Variants in COL22A1 observed in about 807,000 individuals in gnomAD.
The protein encoded by COL22A1 is collagen alpha-1(XXII) chain.
Under a neutral mutation model 248.9 loss-of-function variants are expected in COL22A1, and 221 were observed. The observed-to-expected ratio is 0.89, with a 90% CI of 0.80 to 0.99. COL22A1 has a LOEUF of 0.99. Ranked by LOEUF, COL22A1 falls within the 50% of genes least tolerant of loss-of-function variation. The pLI, the probability that COL22A1 is intolerant of heterozygous loss-of-function variation, is 0.00. For missense variants in COL22A1, 2,240 were observed against 2,179.0 expected, an observed-to-expected ratio of 1.03 and a Z score of -0.56; for synonymous variants, 891 against 793.4, an observed-to-expected ratio of 1.12 and a Z score of -2.07.
intron 15 of COL22A1, 34 bp from the exon 16 acceptor site, chr8:138,776,044 C>T (rs1421891772): frequency 6.2e-7 from 1 of 1,610,354 alleles, no homozygotes; most frequent in Non-Finnish European, 8.5e-7. Flanking sequence ...GACCCAACAT[C>T]TTAATCTGGC....
chr8:138,743,108 G>T lies in COL22A1; in HGVS notation c.2086-5531C>A, dbSNP rs561464789. ...GATGGTGATGGTGGAGTTGATGAGG[G>T]TGATGGTGGTAGTGATTGTGATGGT... On this transcript the variant is annotated intron_variant, in intron 22 of 64. Coordinates refer to ENST00000303045, the MANE Select transcript of COL22A1 (RefSeq NM_152888.3). 6.0e-3 allele frequency among the ~76,000 whole-genome samples: 890 copies of T among 147,344 alleles called. 1 individual carries two copies. Among genetic ancestry groups the T allele is most frequent in the Non-Finnish European group, 0.011 (705 of 66,886 alleles).
rs1032385709 is a variant in COL22A1 at position 138,619,501 on chromosome 8, G to C, written c.3779C>G (p.Ala1260Gly). The C allele has an allele frequency of 6.2e-7, 1 of 1,613,926 alleles. No individual in the cohort carries two copies. The highest frequency in any genetic ancestry group is 1.1e-5 in the South Asian group (1 of 91,074). The change falls in exon 53 of 65, where the codon GCA (alanine) becomes GGA (glycine). Residue 1260 changes from alanine (A) to glycine (G), a missense_variant. By Grantham distance (60) the Ala-to-Gly change is moderately conservative. Transcript: ENST00000303045. The part of the protein sequence containing the change: ...KPGPPGEPGK[A>G]GEPGLPGPEG... ...TGGTCCTGGTAGACCTGGCTCTCCT[G>C]CTTTGCCCTGAGAGTAAGGAAGAAA...
chr8:138,594,111 T>C lies in COL22A1; in HGVS notation c.4521A>G (p.Lys1507=). The change falls in exon 63 of 65, where the codon AAA becomes AAG. Residue 1507 remains lysine (K), a synonymous_variant. Transcript: ENST00000303045. Reference sequence around the variant, plus strand: ...GGCCGGCCCGGCCTGGAAGCCCATCTTTTCCAGGGGGCCCTGGGGGCCCAG... The same window carrying C: ...GGCCGGCCCGGCCTGGAAGCCCATCCTTTCCAGGGGGCCCTGGGGGCCCAG... ...GRPGPPGPPG[K]DGLPGRAGPM... 2 of 1,581,658 alleles carry C rather than the reference T, an allele frequency of 1.3e-6. No individual in the cohort carries two copies. Among genetic ancestry groups the C allele is most frequent in the Admixed American group, 2.0e-5 (1 of 49,856 alleles).
At chr8:138,742,386 A>C (rs1831672054) in intron 22 of COL22A1, among the ~76,000 whole-genome samples, 1 of 135,518 alleles carries the variant, frequency 7.4e-6, no homozygotes, top group Admixed American at 7.3e-5. Context: ...ATGATGGTAG[A>C]GTTGATGATG....
intron 47 of COL22A1, among the ~76,000 whole-genome samples, chr8:138,644,716 C>T (rs1374538757): frequency 6.6e-6 from 1 of 152,168 alleles, no homozygotes; most frequent in East Asian, 1.9e-4. Context: ...AGGCATGAAA[C>T]TCAATTTCCC....
chr8:138,890,341 T>C lies in COL22A1; in HGVS notation c.-72-7097A>G, dbSNP rs148223422. ...AACAAGGATGCTTCTTTGCCGTATC[T>C]ACTCAACATGCTACTGGAAGTTCTA... On this transcript the variant is annotated intron_variant, in intron 1 of 64. Coordinates refer to ENST00000303045, the MANE Select transcript of COL22A1 (RefSeq NM_152888.3). Among the ~76,000 whole-genome samples, 249 of 152,338 alleles carry C rather than the reference T, an allele frequency of 1.6e-3. 3 individuals carry two copies. Among genetic ancestry groups the C allele is most frequent in the Admixed American group, 5.2e-3 (80 of 15,304 alleles).
At chr8:138,755,870 C>T (rs750663877) in intron 18 of COL22A1, 41 bp from the exon 19 acceptor site, 4 of 1,586,784 alleles carry the variant, frequency 2.5e-6, no homozygotes, top group Admixed American at 1.7e-5. Context: ...GTTACTGGTG[C>T]CACCTTCTGT....
intron 1 of COL22A1, among the ~76,000 whole-genome samples, chr8:138,912,831 A>G (rs541428374): frequency 6.6e-5 from 10 of 152,118 alleles, no homozygotes; most frequent in African/African-American, 2.4e-4. Flanking sequence ...GACCCGGCAC[A>G]CAGCTCTGGA....
At chr8:138,714,400 A>G (rs9969589) in intron 30 of COL22A1, among the ~76,000 whole-genome samples, 140,389 of 152,214 alleles carry the variant, frequency 0.92, 65,093 homozygotes, top group Non-Finnish European at 0.98. Flanking sequence ...CCAGTGGTCT[A>G]GTAGGAGATG....
At chr8:138,787,442 G>A (rs919269328) in intron 12 of COL22A1, among the ~76,000 whole-genome samples, 1 of 152,190 alleles carries the variant, frequency 6.6e-6, no homozygotes, top group Non-Finnish European at 1.5e-5. Context: ...ACCTGGAAGG[G>A]AGATGACACA....
At chr8:138,800,572 A>G (rs561742295) in intron 11 of COL22A1, among the ~76,000 whole-genome samples, 3 of 152,346 alleles carry the variant, frequency 2.0e-5, no homozygotes, top group African/African-American at 4.8e-5. Flanking sequence ...TTGTGGAACC[A>G]AAATTTGAAT....
At position 138,699,277 on chromosome 8, in the gene COL22A1, G is replaced by A. The variant is rs75688554; in HGVS notation, c.2592+835C>T. Among the ~76,000 whole-genome samples, 16 of 127,902 alleles carry A rather than the reference G, an allele frequency of 1.3e-4. No homozygotes were observed. The East Asian group carries it at 5.0e-3, about 40-fold the overall frequency. The allele number at this position is 127,902 out of a possible 152,430, so 83.9% of individuals were successfully genotyped here. ...GTGATTTTAGCACCTGACTCAGTCT[G>A]TCTACCTGCTTCCTTCTTTTGCATC... is the stretch of plus-strand genomic sequence containing the variant. On this transcript the variant is annotated intron_variant, in intron 32 of 64. Coordinates refer to ENST00000303045, the MANE Select transcript of COL22A1 (RefSeq NM_152888.3).
rs199841866 is a variant in COL22A1 at position 138,779,602 on chromosome 8, C to A, written c.1651-40G>T. 2.9e-4 allele frequency: 414 copies of A among 1,443,346 alleles called. 1 individual carries two copies. The highest frequency in any genetic ancestry group is 3.3e-4 in the Non-Finnish European group (338 of 1,024,014). The allele number at this position is 1,443,346 out of a possible 1,614,324, so 89.4% of individuals were successfully genotyped here. ...CAACACAAAGTCATAGGCAGTGGGA[C>A]ACAGGCCCAGGTACACCAGAGAAGC... On this transcript the variant is annotated intron_variant, in intron 13 of 64. Coordinates refer to ENST00000303045, the MANE Select transcript of COL22A1 (RefSeq NM_152888.3).
chr8:138,822,296 C>T (rs1449214124), intron 6 of COL22A1, among the ~76,000 whole-genome samples: 2 of 152,162 alleles, frequency 1.3e-5, no homozygotes, highest in Non-Finnish European at 2.9e-5. Flanking sequence ...ATGATCTGCC[C>T]ACCTTGCCCT....
At chr8:138,801,305 G>A (rs917279727) in intron 11 of COL22A1, among the ~76,000 whole-genome samples, 4 of 152,208 alleles carry the variant, frequency 2.6e-5, no homozygotes, top group African/African-American at 7.2e-5. Flanking sequence ...CATTAGAGAC[G>A]TGATGAGACT....
intron 30 of COL22A1, among the ~76,000 whole-genome samples, chr8:138,706,581 G>C (rs2131019001): frequency 6.6e-6 from 1 of 152,294 alleles, no homozygotes; most frequent in South Asian, 2.1e-4. Flanking sequence ...GATGTTCTTT[G>C]AAACCAATGA....
intron 59 of COL22A1, 36 bp from the exon 60 acceptor site, chr8:138,602,195 G>A (rs765409557): frequency 1.2e-6 from 2 of 1,610,090 alleles, no homozygotes; most frequent in African/African-American, 1.3e-5. Context: ...ATTGCCCCGG[G>A]CCCTCTGCAC....
At chr8:138,715,564 CA>C (rs1829361229) in intron 30 of COL22A1, 117 bp downstream of exon 30, 1 of 558,824 alleles carries the variant, frequency 1.8e-6, no homozygotes, top group Non-Finnish European at 2.8e-6. Context: ...GAGAGACTCT[CA>C]TTTTAAAAAA....
intron 36 of COL22A1, among the ~76,000 whole-genome samples, chr8:138,689,490 C>G (rs754421114): frequency 2.6e-5 from 4 of 152,092 alleles, no homozygotes; most frequent in African/African-American, 9.7e-5. Context: ...CCAAGGCAGA[C>G]GGATCACTTG....
Sources: gnomAD v4.1 joint callset for allele counts (sites outside exome capture counted in the v4.1 genomes callset) on GRCh38, gnomAD v4.1.1 for gene constraint, MANE v1.5 for transcripts, NCBI Gene and HGNC (gene_info 2026-07-23, HGNC 2026-07-21) for gene names.